Variants in MOB4 observed in about 807,000 individuals in gnomAD.
MOB4 encodes MOB family member 4, phocein.
In MOB4, 4 loss-of-function variants were observed where a neutral mutation model predicts 32.2. The ratio of observed to expected loss-of-function variants is 0.12; its 90% CI spans 0.06 to 0.28. The LOEUF (loss-of-function observed/expected upper bound fraction) is 0.28. MOB4 is among the 10% of genes least tolerant of loss of function. MOB4 has a pLI of 1.00. For missense variants in MOB4, 158 were observed against 271.2 expected (o/e 0.58, Z 2.93); for synonymous variants, 88 against 88.1 (o/e 1.00, Z 0.01).
chr2:197,518,070 G>A (rs2086447069), intron 1 of MOB4, among the ~76,000 whole-genome samples: 1 of 151,818 alleles, frequency 6.6e-6, no homozygotes, highest in Non-Finnish European at 1.5e-5. Flanking sequence ...GAACCCGGGA[G>A]GCGGAGGTTG....
intron 6 of MOB4, among the ~76,000 whole-genome samples, chr2:197,549,464 C>T (rs2087055762): frequency 6.6e-6 from 1 of 151,932 alleles, no homozygotes; most frequent in East Asian, 1.9e-4. Context: ...TGACTTTTGA[C>T]CTTAATATTC....
In MOB4 at chr2:197,523,663, G is replaced by T; in HGVS notation, c.100G>T (p.Asp34Tyr). The T allele has an allele frequency of 6.2e-7, 1 of 1,608,488 alleles. No individual in the cohort carries two copies. The highest frequency in any genetic ancestry group is 8.5e-7 in the Non-Finnish European group (1 of 1,178,884). Reference sequence around the variant, plus strand: ...GCCTGATGAATCCTTTGATGAAATGGACAGTACACTAGCTGTTCAACAGGT... The same window carrying T: ...GCCTGATGAATCCTTTGATGAAATGTACAGTACACTAGCTGTTCAACAGGT... ...NWPDESFDEM[D>Y]STLAVQQYIQ... The change falls in exon 2 of 8, where the codon GAC becomes TAC. Residue 34 changes from aspartate to tyrosine, a missense_variant. Physicochemically the swap from Asp to Tyr is radical, Grantham distance 160 (BLOSUM62 -3). This residue lies in a region of MOB4 where 25 missense variants were observed against 70.9 expected (regional missense o/e 0.35). Transcript: ENST00000323303.
At chr2:197,549,289 T>C (rs1408580893) in intron 6 of MOB4, among the ~76,000 whole-genome samples, 1 of 152,178 alleles carries the variant, frequency 6.6e-6, no homozygotes, top group Non-Finnish European at 1.5e-5. Flanking sequence ...GCTCATTGAT[T>C]TTTAAGATCT....
rs562968983 is a variant in MOB4, at chr2:197,550,202, C to T, written c.435-73C>T. The T allele has an allele frequency of 1.3e-4, 180 of 1,378,324 alleles. 6 individuals are homozygous for T. The South Asian group carries it at 2.4e-3, about 19-fold the overall frequency. 85.4% of individuals were successfully genotyped at this position (1,378,324 alleles called of 1,614,324 possible). On this transcript the variant is annotated intron_variant, in intron 6 of 7. Transcript: ENST00000323303. Reference sequence around the variant, plus strand: ...AGGTGTCAGTTTCTACACTTGTAAGCGAGAAATTGGACTATATTGTTCCTA... The same window carrying T: ...AGGTGTCAGTTTCTACACTTGTAAGTGAGAAATTGGACTATATTGTTCCTA...
chr2:197,549,859 T>TAAA (rs573507195), intron 6 of MOB4, among the ~76,000 whole-genome samples: 6 of 85,102 alleles, frequency 7.1e-5, no homozygotes, highest in East Asian at 7.0e-4. Context: ...CCTTAATTTC[T>TAAA]AAAAAAAAAA....
chr2:197,523,512 A>C, intron 1 of MOB4, 112 bp from the exon 2 acceptor site: 1 of 1,025,534 alleles, frequency 9.8e-7, no homozygotes, highest in Non-Finnish European at 1.4e-6. Flanking sequence ...TGATAATTAC[A>C]TTGCAAAAGT....
upstream of MOB4, chr2:197,515,897 G>C: frequency 1.7e-6 from 1 of 584,412 alleles, no homozygotes; most frequent in South Asian, 2.1e-5. Context: ...GACGCCGTCC[G>C]GCTGTTCCTC....
rs1368360620 is a variant in MOB4, at chr2:197,553,554, T to A, written c.*2908T>A. 1 of 152,254 alleles carries A rather than the reference T, an allele frequency of 6.6e-6. No homozygotes were observed. Among genetic ancestry groups the A allele is most frequent in the Non-Finnish European group, 1.5e-5 (1 of 68,042 alleles). 9.4% of individuals were successfully genotyped at this position (152,254 alleles called of 1,614,324 possible). A position where few individuals can be genotyped will look rare whatever the true frequency, so the allele number is the denominator to read the frequency against. ...TTTTTATGTGAGTACTTTGCCCTAC[T>A]GTCTATATGATGACATCTTTTTTGA... On this transcript the variant is annotated 3_prime_UTR_variant, in exon 8 of 8. Transcript: ENST00000323303.
chr2:197,518,959 T>C (rs2086466728), intron 1 of MOB4, among the ~76,000 whole-genome samples: 1 of 151,658 alleles, frequency 6.6e-6, no homozygotes, highest in East Asian at 1.9e-4. Context: ...GGGGTTTCAC[T>C]GTGTTAGCCA....
At chr2:197,537,114 T>G (rs2106124341) in intron 3 of MOB4, among the ~76,000 whole-genome samples, 1 of 152,300 alleles carries the variant, frequency 6.6e-6, no homozygotes, top group South Asian at 2.1e-4. Context: ...ACCTGTAAAT[T>G]ATTGCAAACT....
chr2:197,540,588 C>A, intron 5 of MOB4, 151 bp downstream of exon 5: 1 of 753,576 alleles, frequency 1.3e-6, no homozygotes, highest in South Asian at 2.7e-5. Context: ...TACTGCAGTG[C>A]TATTTTAGGA....
intron 5 of MOB4, among the ~76,000 whole-genome samples, chr2:197,541,348 A>G (rs2086892275): frequency 6.6e-6 from 1 of 152,036 alleles, no homozygotes; most frequent in African/African-American, 2.4e-5. Flanking sequence ...ATCTGTTATA[A>G]TTACTTTTTA....
chr2:197,533,711 G>T, intron 2 of MOB4: 1 of 299,708 alleles, frequency 3.3e-6, no homozygotes, highest in South Asian at 2.7e-5. Context: ...GGCGACAGGA[G>T]CAAAACTCCT....
At chr2:197,536,566 C>G (rs1306380472) in intron 3 of MOB4, among the ~76,000 whole-genome samples, 1 of 150,746 alleles carries the variant, frequency 6.6e-6, no homozygotes, top group East Asian at 1.9e-4. Flanking sequence ...TCCGTTTCCC[C>G]ATTTTTGCAT....
intron 1 of MOB4, among the ~76,000 whole-genome samples, chr2:197,520,162 A>AT (rs1362932245): frequency 6.6e-6 from 1 of 151,338 alleles, no homozygotes; most frequent in African/African-American, 2.4e-5. Flanking sequence ...CATTATATCC[A>AT]TAAGTATGCC....
intron 1 of MOB4, chr2:197,516,621 C>T (rs2086417943): frequency 4.2e-6 from 2 of 472,994 alleles, no homozygotes; most frequent in Non-Finnish European, 8.7e-6. Context: ...CGTTTCCTGC[C>T]ATCCAGCTTG....
intron 2 of MOB4, among the ~76,000 whole-genome samples, chr2:197,527,136 T>C (rs150960288): frequency 5.9e-5 from 9 of 152,074 alleles, no homozygotes; most frequent in Admixed American, 1.3e-4. Flanking sequence ...TGCAATTCCA[T>C]ATAAATTTGA....
chr2:197,524,569 A>T (rs1445550135), intron 2 of MOB4, among the ~76,000 whole-genome samples: 1 of 151,954 alleles, frequency 6.6e-6, no homozygotes, highest in Non-Finnish European at 1.5e-5. Context: ...ACAAAAATAC[A>T]ATTTCATTAA....
rs190181503 is a variant in MOB4 at position 197,523,437 on chromosome 2, G to A, written c.61-187G>A. ...GATTGTGCCACTGCACACAAGCATG[G>A]GCTGCAGAGTGAGACCCTGTCTGTA... On this transcript the variant is annotated intron_variant, in intron 1 of 7. Transcript: ENST00000323303. 1.4e-4 allele frequency among the ~76,000 whole-genome samples: 22 copies of A among 152,304 alleles called. No individual in the cohort carries two copies. The East Asian group carries it at 4.2e-3, about 29-fold the overall frequency.
Sources: gnomAD v4.1 joint callset for allele counts (sites outside exome capture counted in the v4.1 genomes callset) on GRCh38, gnomAD v4.1.1 for gene constraint, gnomAD v4.1.1 regional missense constraint, MANE v1.5 for transcripts, NCBI Gene and HGNC (gene_info 2026-07-23, HGNC 2026-07-21) for gene names.